NDUFB5: variants seen among roughly 807,000 people sequenced by gnomAD.
The protein encoded by NDUFB5 is NADH dehydrogenase [ubiquinone] 1 beta subcomplex subunit 5, mitochondrial.
NDUFB5 carries 19 observed loss-of-function variants against 19.4 expected under a neutral mutation model. That is an observed-to-expected ratio of 0.98 (90% CI 0.68 to 1.43). The LOEUF (loss-of-function observed/expected upper bound fraction) is 1.43, where lower values mean the gene tolerates loss of function less well. Among genes scored for constraint, NDUFB5 ranks in the 40% most tolerant of loss-of-function variants. NDUFB5 has a pLI of 0.00. For synonymous variants in NDUFB5, 80 were observed against 82.6 expected (o/e 0.97, Z 0.17); for missense variants, 233 against 236.5 (o/e 0.99, Z 0.10).
At chr3:179,605,195 A>G (rs1401798740) in intron 1 of NDUFB5, among the ~76,000 whole-genome samples, 1 of 152,186 alleles carries the variant, frequency 6.6e-6, no homozygotes, top group East Asian at 1.9e-4. Flanking sequence ...GATGAAGCTG[A>G]GTCTAGAAAG....
chr3:179,617,070 A>C (rs376816320), intron 4 of NDUFB5, 26 bp downstream of exon 4: 2 of 1,482,720 alleles, frequency 1.3e-6, no homozygotes, highest in Non-Finnish European at 1.9e-6. Context: ...TGACAATTAC[A>C]TACTGTTACA....
chr3:179,623,191 C>T (rs181464073), intron 5 of NDUFB5, among the ~76,000 whole-genome samples: 9 of 152,316 alleles, frequency 5.9e-5, no homozygotes, highest in Admixed American at 3.3e-4. Flanking sequence ...AAAGCTTATT[C>T]ATTTGTTAAT....
chr3:179,616,908 C>A, intron 3 of NDUFB5, 75 bp from the exon 4 acceptor site: 1 of 1,168,556 alleles, frequency 8.6e-7, no homozygotes, highest in Non-Finnish European at 1.2e-6. Flanking sequence ...AAGTTGGTTT[C>A]TTACTTTAAT....
At chr3:179,617,097 T>C (rs1719401288) in intron 4 of NDUFB5, 53 bp downstream of exon 4, 2 of 1,308,188 alleles carry the variant, frequency 1.5e-6, no homozygotes, top group Non-Finnish European at 2.2e-6. Flanking sequence ...GTCAACGCAC[T>C]AGTTAATGTC....
At chr3:179,621,912 A>G (rs935389937) in intron 5 of NDUFB5, among the ~76,000 whole-genome samples, 7 of 152,172 alleles carry the variant, frequency 4.6e-5, no homozygotes, top group East Asian at 1.9e-4. Context: ...ATCTCTGATG[A>G]TAATTAAATC....
At chr3:179,608,769 A>C (rs991669632) in intron 1 of NDUFB5, among the ~76,000 whole-genome samples, 1 of 152,128 alleles carries the variant, frequency 6.6e-6, no homozygotes, top group African/African-American at 2.4e-5. Context: ...TCTCCTGCTA[A>C]ATCACGGAGG....
rs1178437069 is a variant in NDUFB5 at position 179,625,511 on chromosome 3, A to T, written c.*1471A>T. 5 of 152,198 alleles carry T rather than the reference A, an allele frequency of 3.3e-5. No homozygotes were observed. Among genetic ancestry groups the T allele is most frequent in the Non-Finnish European group, 2.9e-5 (2 of 68,040 alleles). The allele number at this position is 152,198 out of a possible 1,614,324, so 9.4% of individuals were successfully genotyped here. A position where few individuals can be genotyped will look rare whatever the true frequency, so the allele number is the denominator to read the frequency against. ...TATAATGGTCAAATCAGGGTATTTG[A>T]ATATACATATATTTCAAAATATAGT... On this transcript the variant is annotated 3_prime_UTR_variant, in exon 6 of 6. Transcript: ENST00000259037.
At chr3:179,615,933 TG>T (rs1560025488) in intron 2 of NDUFB5, 49 bp from the exon 3 acceptor site, 1 of 1,324,086 alleles carries the variant, frequency 7.6e-7, no homozygotes, top group Admixed American at 1.7e-5. Context: ...GATTTGTGTG[TG>T]GGGAGAGTTA....
intron 1 of NDUFB5, among the ~76,000 whole-genome samples, chr3:179,612,199 G>C (rs544951615): frequency 3.3e-5 from 5 of 151,840 alleles, no homozygotes; most frequent in African/African-American, 1.2e-4. Flanking sequence ...AGAGTTAAAG[G>C]CAAGTTGGTT....
At chr3:179,609,084 ATG>A (rs1419885392) in intron 1 of NDUFB5, among the ~76,000 whole-genome samples, 3 of 152,216 alleles carry the variant, frequency 2.0e-5, no homozygotes, top group African/African-American at 7.2e-5. Context: ...GACCTGCTGT[ATG>A]TGGTTTCACT....
chr3:179,616,102 CAT>C (rs1351265525), intron 3 of NDUFB5, 53 bp downstream of exon 3: 6 of 1,271,284 alleles, frequency 4.7e-6, no homozygotes, highest in African/African-American at 1.5e-5. Context: ...AATTTTTAAA[CAT>C]ATGTACATTA....
At chr3:179,605,084 C>A in intron 1 of NDUFB5, 145 bp downstream of exon 1, 2 of 1,226,314 alleles carry the variant, frequency 1.6e-6, no homozygotes, top group Non-Finnish European at 2.2e-6. Context: ...GGAGCACGAG[C>A]TATATGAGGG....
At chr3:179,617,377 A>G (rs1719409949) in intron 4 of NDUFB5, 1 of 171,816 alleles carries the variant, frequency 5.8e-6, no homozygotes, top group African/African-American at 2.4e-5. Flanking sequence ...GCCTCAAGTG[A>G]TCCACCCACC....
chr3:179,614,758 A>AT (rs1482473425), intron 1 of NDUFB5: 1 of 292,468 alleles, frequency 3.4e-6, no homozygotes, highest in African/African-American at 2.2e-5. Context: ...AAGAATGTAT[A>AT]TTTTCTTTTT....
intron 2 of NDUFB5, 72 bp from the exon 3 acceptor site, chr3:179,615,909 CAT>C (rs1719363900): frequency 6.2e-6 from 7 of 1,129,258 alleles, no homozygotes; most frequent in African/African-American, 1.6e-5. Flanking sequence ...ATGAGGAAAT[CAT>C]ATCATGAGGA....
In NDUFB5 at chr3:179,624,001, A is replaced by T. The variant is rs200766971; in HGVS notation, c.531A>T (p.Glu177Asp). 6.2e-6 allele frequency: 10 copies of T among 1,614,030 alleles called. No individual in the cohort carries two copies. In the Admixed American group the frequency reaches 1.5e-4, roughly 24 times the overall value. ...ATTACTATGAGACAATTGACAAGGAACTTATTGATCATTCTCCGAAAGCAA... is the reference window on the plus strand; with the variant it reads ...ATTACTATGAGACAATTGACAAGGATCTTATTGATCATTCTCCGAAAGCAA... Reference protein sequence around the residue: ...PWYYYETIDKELIDHSPKATP... With the variant: ...PWYYYETIDKDLIDHSPKATP... Residue 177 changes from glutamate (E) to aspartate (D), a missense_variant, in exon 6 of 6, where the codon GAA (glutamate) becomes GAT (aspartate). Glu to Asp is a conservative substitution (Grantham distance 45). Coordinates refer to ENST00000259037, the MANE Select transcript of NDUFB5 (RefSeq NM_002492.4).
chr3:179,624,101 A>G lies in NDUFB5; in HGVS notation c.*61A>G. The G allele has an allele frequency of 6.9e-7, 1 of 1,454,330 alleles. No individual in the cohort carries two copies. The highest frequency in any genetic ancestry group is 1.3e-5 in the South Asian group (1 of 76,746). 90.1% of individuals were successfully genotyped at this position (1,454,330 alleles called of 1,614,324 possible). On this transcript the variant is annotated 3_prime_UTR_variant, in exon 6 of 6. Transcript: ENST00000259037. Reference sequence around the variant, plus strand: ...TATTGGAAAATAAATTAATAAATATATTCTGTATTTTTGCTCTCCGTGAAA... The same window carrying G: ...TATTGGAAAATAAATTAATAAATATGTTCTGTATTTTTGCTCTCCGTGAAA...
At chr3:179,615,916 T>G in intron 2 of NDUFB5, 67 bp from the exon 3 acceptor site, 21 of 1,176,832 alleles carry the variant, frequency 1.8e-5, no homozygotes, top group Non-Finnish European at 2.4e-5. Context: ...AATCATATCA[T>G]GAGGATGATT....
chr3:179,611,154 C>T (rs1719229477), intron 1 of NDUFB5, among the ~76,000 whole-genome samples: 1 of 152,078 alleles, frequency 6.6e-6, no homozygotes, highest in African/African-American at 2.4e-5. Context: ...AGCAGAAGAG[C>T]AATATCAGGA....
Sources: gnomAD v4.1 joint callset for allele counts (sites outside exome capture counted in the v4.1 genomes callset) on GRCh38, gnomAD v4.1.1 for gene constraint, MANE v1.5 for transcripts, NCBI Gene and HGNC (gene_info 2026-07-23, HGNC 2026-07-21) for gene names.